Variants in PDXDC1 observed in about 807,000 individuals in gnomAD.
The protein encoded by PDXDC1 is pyridoxal-dependent decarboxylase domain-containing protein 1.
A neutral mutation model predicts 100.1 loss-of-function variants in PDXDC1; 42 were observed. The observed-to-expected ratio is 0.42, with a 90% CI of 0.33 to 0.54. The LOEUF (loss-of-function observed/expected upper bound fraction) is 0.54, where lower values mean the gene tolerates loss of function less well. Ranked by LOEUF, PDXDC1 falls within the 20% of genes least tolerant of loss-of-function variation. The pLI, the probability that PDXDC1 is intolerant of heterozygous loss-of-function variation, is 0.10. For synonymous variants in PDXDC1, 260 were observed against 371.7 expected (o/e 0.70, Z 3.46); for missense variants, 636 against 979.2 (o/e 0.65, Z 4.68).
rs751038275 is a variant in PDXDC1 at position 15,130,280 on chromosome 16, G to A, written c.1400-8599G>A. 94 of 1,535,740 alleles carry A rather than the reference G, an allele frequency of 6.1e-5. No homozygotes were observed. In the African/African-American group the frequency reaches 6.2e-4, roughly 10 times the overall value. ...CGGTGAGGTGGCGGGTGAGGCAGAC[G>A]GCCTGGCGGGGCGAGGTCTCCTCCA... On this transcript the variant is annotated intron_variant, in intron 16 of 16. Transcript: ENST00000535621.
chr16:15,035,436 T>A lies in PDXDC1; in HGVS notation c.2003-13T>A. 1 of 1,563,834 alleles carries A rather than the reference T, an allele frequency of 6.4e-7. No individual in the cohort carries two copies. ...TGCCTGTAGCTTCTACCCAGCCCTC[T>A]CCTCTCCCGCAGGCTCTCTGGAGTC... On this transcript the variant is annotated splice_polypyrimidine_tract_variant and intron_variant, in intron 21 of 22. Transcript: ENST00000396410.
chr16:15,101,688 C>T (rs1190577162), intron 16 of PDXDC1, among the ~76,000 whole-genome samples: 6 of 148,526 alleles, frequency 4.0e-5, no homozygotes, highest in Non-Finnish European at 8.9e-5. Flanking sequence ...AAATCATGCA[C>T]TCTAGCCTGG....
chr16:14,989,352 AC>A (rs1970159571), intron 1 of PDXDC1: 1 of 1,612,298 alleles, frequency 6.2e-7, no homozygotes, highest in Non-Finnish European at 8.5e-7. Context: ...GAGGCGGTTC[AC>A]CAGCTTCTTG....
chr16:14,989,654 G>T, intron 1 of PDXDC1: 1 of 1,569,036 alleles, frequency 6.4e-7, no homozygotes, highest in Non-Finnish European at 8.6e-7. Flanking sequence ...AGGCGGGCCC[G>T]GGGCCGGCGG....
chr16:15,112,032 C>T (rs910354024), intron 16 of PDXDC1, among the ~76,000 whole-genome samples: 8 of 147,354 alleles, frequency 5.4e-5, no homozygotes, highest in African/African-American at 1.7e-4. Flanking sequence ...ACATCAGCTT[C>T]GTTGAGGCTG....
At chr16:14,990,570 T>C (rs1970541651) in intron 1 of PDXDC1, among the ~76,000 whole-genome samples, 2 of 152,276 alleles carry the variant, frequency 1.3e-5, no homozygotes, top group Admixed American at 6.5e-5. Flanking sequence ...ATCCTGAAAC[T>C]GGATAATACT....
At chr16:15,033,223 G>A (rs908359373) in intron 18 of PDXDC1, 55 bp from the exon 19 acceptor site, 24 of 1,599,480 alleles carry the variant, frequency 1.5e-5, no homozygotes, top group South Asian at 2.2e-5. Context: ...GTAGGTCCAC[G>A]TCTCACCCAT....
rs145596670 is a variant in PDXDC1 at position 15,062,411 on chromosome 16, T to C, written c.1399+32355T>C. 8.4e-3 allele frequency among the ~76,000 whole-genome samples: 1,285 copies of C among 152,276 alleles called. 69 individuals carry two copies. The highest frequency in any genetic ancestry group is 0.076 in the Admixed American group (1,166 of 15,290). Reference sequence around the variant, plus strand: ...AAAGATGAAAGGGGCTTTCCAATGATTACTTATTAAAAACAACAACAAAAA... The same window carrying C: ...AAAGATGAAAGGGGCTTTCCAATGACTACTTATTAAAAACAACAACAAAAA... On this transcript the variant is annotated intron_variant, in intron 16 of 16. Transcript: ENST00000535621.
At chr16:15,088,084 C>T (rs990112726) in intron 16 of PDXDC1, among the ~76,000 whole-genome samples, 1 of 151,860 alleles carries the variant, frequency 6.6e-6, no homozygotes, top group Admixed American at 6.6e-5. Context: ...CCACTGCACT[C>T]CAGCCTGGGC....
chr16:15,064,589 C>A (rs1220001583), intron 16 of PDXDC1, among the ~76,000 whole-genome samples: 1 of 152,228 alleles, frequency 6.6e-6, no homozygotes, highest in East Asian at 1.9e-4. Context: ...CCTCCCCTAT[C>A]CTGGCACCAT....
chr16:15,051,947 A>T (rs1422424069), intron 16 of PDXDC1, among the ~76,000 whole-genome samples: 1 of 152,072 alleles, frequency 6.6e-6, no homozygotes, highest in Non-Finnish European at 1.5e-5. Flanking sequence ...CTACTTTATA[A>T]ATTCATATGC....
chr16:14,982,654 A>C (rs1363669533), intron 1 of PDXDC1, among the ~76,000 whole-genome samples: 2 of 152,294 alleles, frequency 1.3e-5, no homozygotes, highest in Non-Finnish European at 2.9e-5. Flanking sequence ...CTGAGACTCC[A>C]ATAAGATAAA....
chr16:15,129,175 A>T (rs2151911275), intron 16 of PDXDC1, among the ~76,000 whole-genome samples: 1 of 152,042 alleles, frequency 6.6e-6, no homozygotes, highest in Non-Finnish European at 1.5e-5. Flanking sequence ...CGGAAATAAA[A>T]AATGGGAACA....
chr16:15,028,837 G>A lies in PDXDC1; in HGVS notation c.1205-41G>A, dbSNP rs372833513. 81 of 1,596,130 alleles carry A rather than the reference G, an allele frequency of 5.1e-5. No homozygotes were observed. The African/African-American group carries it at 7.6e-4, about 15-fold the overall frequency. On this transcript the variant is annotated intron_variant, in intron 14 of 22. Transcript: ENST00000396410. ...TGGAGGGTGTTTTTTTTGGTCAGCC[G>A]TGTTTCTGGGAGTGACTCCCTTTCT...
Position 14,976,226 on chromosome 16 carries a change from T to C in PDXDC1, c.21+1006T>C, listed in dbSNP as rs1966821189. On this transcript the variant is annotated intron_variant, in intron 1 of 22. Transcript: ENST00000396410. ...TTGGGAGTCTGCTTGTCCAATCCAGTGCATACCCGGTTTTTCATGCATGTG... is the reference window on the plus strand; with the variant it reads ...TTGGGAGTCTGCTTGTCCAATCCAGCGCATACCCGGTTTTTCATGCATGTG... Among the ~76,000 whole-genome samples the C allele has an allele frequency of 2.0e-5, 3 of 152,402 alleles. No individual in the cohort carries two copies. The South Asian group carries it at 6.2e-4, about 32-fold the overall frequency.
chr16:15,010,636 T>G (rs1372548181), intron 8 of PDXDC1, among the ~76,000 whole-genome samples: 12 of 152,286 alleles, frequency 7.9e-5, no homozygotes, highest in African/African-American at 2.4e-4. Context: ...GCATCATACT[T>G]GAAATCTAAG....
chr16:15,085,457 T>C (rs1398971068), intron 16 of PDXDC1, among the ~76,000 whole-genome samples: 1 of 152,214 alleles, frequency 6.6e-6, no homozygotes, highest in Non-Finnish European at 1.5e-5. Flanking sequence ...AGTTCTACTT[T>C]AAGCCTTTTT....
chr16:15,060,109 AT>A (rs1186496313), intron 16 of PDXDC1: 25 of 339,786 alleles, frequency 7.4e-5, no homozygotes, highest in East Asian at 9.9e-5. Context: ...TTCACCATGG[AT>A]TTTTTTTCAC....
chr16:15,149,538 ACT>A, the PDXDC1 span, among the ~76,000 whole-genome samples: 1 of 152,158 alleles, frequency 6.6e-6, no homozygotes, highest in Non-Finnish European at 1.5e-5. Flanking sequence ...CTCCAGAATG[ACT>A]GTCTTCCCCG....
Sources: allele counts gnomAD v4.1 joint callset (sites outside exome capture counted in the v4.1 genomes callset), GRCh38; gene constraint gnomAD v4.1.1; transcripts MANE v1.5; gene names NCBI Gene and HGNC (gene_info 2026-07-23, HGNC 2026-07-21).